The following TPD52L1 variants were observed in gnomAD, a reference collection of about 807,000 sequenced individuals.
TPD52L1 encodes the protein tumor protein D53.
In TPD52L1, 18 loss-of-function variants were observed where a neutral mutation model predicts 28.7. That is an observed-to-expected ratio of 0.63 (90% CI 0.43 to 0.93). The LOEUF (loss-of-function observed/expected upper bound fraction) is 0.93. Among genes scored for constraint, TPD52L1 ranks in the 40% least tolerant of loss-of-function variants. The probability of loss-of-function intolerance (pLI) is 0.00; values close to 1 mark genes in which losing one functional copy is unlikely to be tolerated. For missense variants in TPD52L1, 203 were observed against 254.8 expected (o/e 0.80, Z 1.39); for synonymous variants, 75 against 88.8 (o/e 0.84, Z 0.88).
intron 1 of TPD52L1, among the ~76,000 whole-genome samples, chr6:125,206,251 T>C (rs17726610): frequency 1.7e-3 from 252 of 152,346 alleles, no homozygotes; most frequent in Non-Finnish European, 2.7e-3. Context: ...AAATATTTTC[T>C]TCATAAAGTG....
intron 3 of TPD52L1, among the ~76,000 whole-genome samples, chr6:125,239,126 C>T (rs1022528424): frequency 1.8e-4 from 28 of 152,138 alleles, no homozygotes; most frequent in African/African-American, 6.5e-4. Flanking sequence ...ACCACATCAA[C>T]GCCAATGTCT....
intron 1 of TPD52L1, among the ~76,000 whole-genome samples, chr6:125,188,384 C>G (rs1324477898): frequency 6.6e-6 from 1 of 152,090 alleles, no homozygotes; most frequent in Non-Finnish European, 1.5e-5. Context: ...TTACTCCTAC[C>G]CTTACCTTCT....
intron 4 of TPD52L1, chr6:125,252,343 GA>G (rs1417083726): frequency 3.5e-5 from 11 of 311,320 alleles, no homozygotes; most frequent in Non-Finnish European, 5.8e-5. Flanking sequence ...AAAAGAAGAA[GA>G]AAAAAAAACA....
intron 2 of TPD52L1, among the ~76,000 whole-genome samples, chr6:125,227,349 G>T (rs978264003): frequency 6.6e-6 from 1 of 152,140 alleles, no homozygotes; most frequent in Non-Finnish European, 1.5e-5. Context: ...GGGTTTTATT[G>T]CATGTTTTGC....
chr6:125,251,945 A>AG, intron 4 of TPD52L1: 1 of 1,471,728 alleles, frequency 6.8e-7, no homozygotes, highest in African/African-American at 1.4e-5. Flanking sequence ...GGGACCACCA[A>AG]GGGCAGTGCA....
intron 1 of TPD52L1, among the ~76,000 whole-genome samples, chr6:125,182,498 G>A (rs1008088894): frequency 2.0e-5 from 3 of 152,150 alleles, no homozygotes; most frequent in African/African-American, 7.2e-5. Context: ...TTGGTTTAAG[G>A]TAGAAAGGGA....
At chr6:125,178,600 G>T (rs749306903) in intron 1 of TPD52L1, among the ~76,000 whole-genome samples, 8 of 151,788 alleles carry the variant, frequency 5.3e-5, no homozygotes, top group Admixed American at 5.2e-4. Context: ...CCGCCTGGGC[G>T]ACAGAGTGAG....
chr6:125,190,568 T>G (rs1448736071), intron 1 of TPD52L1, among the ~76,000 whole-genome samples: 2 of 152,166 alleles, frequency 1.3e-5, no homozygotes, highest in African/African-American at 2.4e-5. Context: ...TTTCTATTAT[T>G]ATTATATTGT....
chr6:125,249,296 G>A lies in TPD52L1; in HGVS notation c.386+913G>A, dbSNP rs145929853. Among the ~76,000 whole-genome samples, 6 of 150,626 alleles carry A rather than the reference G, an allele frequency of 4.0e-5. 1 individual carries two copies. The highest frequency in any genetic ancestry group is 4.0e-4 in the Admixed American group (6 of 15,158). Reference sequence around the variant, plus strand: ...TCCCTCTATTCTTTAAAAACTTTTCGAGCACATTTTACATTTCTTCTTTAA... The same window carrying A: ...TCCCTCTATTCTTTAAAAACTTTTCAAGCACATTTTACATTTCTTCTTTAA... On this transcript the variant is annotated intron_variant, in intron 4 of 6. Transcript: ENST00000534000.
intron 4 of TPD52L1, among the ~76,000 whole-genome samples, chr6:125,248,847 T>C (rs918677652): frequency 6.6e-6 from 1 of 152,194 alleles, no homozygotes; most frequent in Admixed American, 6.6e-5. Flanking sequence ...ACCACACATA[T>C]ACACTTCTGG....
intron 4 of TPD52L1, among the ~76,000 whole-genome samples, chr6:125,249,386 A>G (rs183218809): frequency 2.0e-5 from 3 of 151,950 alleles, no homozygotes; most frequent in Non-Finnish European, 4.4e-5. Context: ...TATTAAAAAG[A>G]AAAAGCTTTG....
intron 1 of TPD52L1, among the ~76,000 whole-genome samples, chr6:125,156,659 T>C (rs1790158460): frequency 6.6e-6 from 1 of 151,686 alleles, no homozygotes; most frequent in Non-Finnish European, 1.5e-5. Flanking sequence ...ATCCCAGCTA[T>C]TTGGGAGGTT....
At chr6:125,257,049 TAA>T (rs1176944470) in intron 5 of TPD52L1, 47 bp from the exon 6 acceptor site, 1 of 1,537,826 alleles carries the variant, frequency 6.5e-7, no homozygotes, top group Non-Finnish European at 8.9e-7. Flanking sequence ...GCATGGTTGC[TAA>T]GACAGCTAGG....
chr6:125,221,712 A>G (rs998529731), intron 2 of TPD52L1: 2 of 152,212 alleles, frequency 1.3e-5, no homozygotes, highest in Non-Finnish European at 2.9e-5. Flanking sequence ...AATATGAAAA[A>G]ATAGAAGTGT....
intron 5 of TPD52L1, among the ~76,000 whole-genome samples, chr6:125,255,843 A>G (rs1797564478): frequency 6.6e-6 from 1 of 152,134 alleles, no homozygotes; most frequent in African/African-American, 2.4e-5. Context: ...CTGAAAGCTG[A>G]CATGGATACA....
chr6:125,251,025 G>T (rs1027135910), intron 4 of TPD52L1, among the ~76,000 whole-genome samples: 7 of 152,146 alleles, frequency 4.6e-5, no homozygotes, highest in South Asian at 2.1e-4. Context: ...AACTCTTTGT[G>T]AAAGCAACAA....
chr6:125,195,385 G>T (rs1793357256), intron 1 of TPD52L1, among the ~76,000 whole-genome samples: 1 of 152,166 alleles, frequency 6.6e-6, no homozygotes, highest in South Asian at 2.1e-4. Flanking sequence ...TGTCTTCAGG[G>T]TTCCAACAGG....
intron 1 of TPD52L1, among the ~76,000 whole-genome samples, chr6:125,219,681 GC>G (rs1160098483): frequency 1.3e-5 from 2 of 152,196 alleles, no homozygotes; most frequent in African/African-American, 4.8e-5. Flanking sequence ...TCAGGGTGCA[GC>G]CCTTGGGGCC....
In TPD52L1 at chr6:125,209,354, T is replaced by C. The variant is rs543632254; in HGVS notation, c.20-10724T>C. ...TAAAGACAAGCCCACAGTCATGAGG[T>C]CTATGCCAAGCTTCAGGAGACTCCG... On this transcript the variant is annotated intron_variant, in intron 1 of 6. Transcript: ENST00000534000. Among the ~76,000 whole-genome samples the C allele has an allele frequency of 2.0e-5, 3 of 152,102 alleles. No individual in the cohort carries two copies. The South Asian group carries it at 6.2e-4, about 32-fold the overall frequency.
Sources: allele counts gnomAD v4.1 joint callset (sites outside exome capture counted in the v4.1 genomes callset), GRCh38; gene constraint gnomAD v4.1.1; transcripts MANE v1.5; gene names NCBI Gene and HGNC (gene_info 2026-07-23, HGNC 2026-07-21).